SRGAP2C: variants seen among roughly 807,000 people sequenced by gnomAD.
SRGAP2C encodes the protein SLIT-ROBO Rho GTPase-activating protein 2C.
Under a neutral mutation model 25.1 loss-of-function variants are expected in SRGAP2C, and 15 were observed. The observed-to-expected ratio is 0.60, with a 90% CI of 0.40 to 0.92. The LOEUF (loss-of-function observed/expected upper bound fraction) is 0.92, where lower values mean the gene tolerates loss of function less well. Ranked by LOEUF, SRGAP2C falls within the 40% of genes least tolerant of loss-of-function variation. SRGAP2C has a pLI of 0.00. For missense variants in SRGAP2C, 144 were observed against 264.4 expected, an observed-to-expected ratio of 0.54 and a Z score of 3.16; for synonymous variants, 44 against 96.6, an observed-to-expected ratio of 0.46 and a Z score of 3.19.
chr1:121,350,564 AAAC>A (rs1658874756), intron 4 of SRGAP2C, among the ~76,000 whole-genome samples: 2 of 152,106 alleles, frequency 1.3e-5, no homozygotes, highest in Non-Finnish European at 2.9e-5. Context: ...TAAATTATAA[AAAC>A]AAACCTGGAA....
At chr1:121,314,471 A>G (rs1658048012) in intron 3 of SRGAP2C, among the ~76,000 whole-genome samples, 1 of 152,208 alleles carries the variant, frequency 6.6e-6, no homozygotes, top group African/African-American at 2.4e-5. Flanking sequence ...ACTGGTGAGA[A>G]ACTGCGTTCC....
chr1:121,336,438 C>G (rs1467567328), intron 4 of SRGAP2C, among the ~76,000 whole-genome samples: 1 of 122,088 alleles, frequency 8.2e-6, no homozygotes, highest in Non-Finnish European at 1.7e-5. Flanking sequence ...TCCTCTGTCT[C>G]TCTCCCTCCC....
At chr1:121,270,947 C>T (rs1461166042) in intron 2 of SRGAP2C, among the ~76,000 whole-genome samples, 1 of 151,130 alleles carries the variant, frequency 6.6e-6, no homozygotes, top group Non-Finnish European at 1.5e-5. Context: ...CGCCCGCCAC[C>T]ACGCCCAGCT....
At chr1:121,384,780 G>A (rs1659920253) in intron 8 of SRGAP2C, among the ~76,000 whole-genome samples, 2 of 151,738 alleles carry the variant, frequency 1.3e-5, no homozygotes, top group Non-Finnish European at 2.9e-5. Flanking sequence ...GAGTGCAGCT[G>A]AAGTGTATTA....
chr1:121,213,117 C>A (rs1190812521), intron 2 of SRGAP2C, among the ~76,000 whole-genome samples: 1 of 150,522 alleles, frequency 6.6e-6, no homozygotes, highest in African/African-American at 2.5e-5. Context: ...ATGATCTCAG[C>A]TCACTGCAAC....
At chr1:121,308,328 T>A (rs1171800109) in intron 3 of SRGAP2C, among the ~76,000 whole-genome samples, 2 of 150,082 alleles carry the variant, frequency 1.3e-5, no homozygotes, top group African/African-American at 4.9e-5. Context: ...GAAAGTCCCT[T>A]CTAGCTCTGA....
At chr1:121,295,651 G>T (rs1404691727) in intron 3 of SRGAP2C, among the ~76,000 whole-genome samples, 1 of 152,056 alleles carries the variant, frequency 6.6e-6, no homozygotes, top group Non-Finnish European at 1.5e-5. Context: ...ATAAAAGAAA[G>T]AGGTCTGTAA....
chr1:121,227,304 T>C (rs1655700426), intron 2 of SRGAP2C, among the ~76,000 whole-genome samples: 1 of 152,198 alleles, frequency 6.6e-6, no homozygotes, highest in Non-Finnish European at 1.5e-5. Flanking sequence ...ATTGGAGTTA[T>C]CTGGTTTCTG....
intron 2 of SRGAP2C, among the ~76,000 whole-genome samples, chr1:121,239,718 G>T (rs1286473333): frequency 6.6e-6 from 1 of 151,728 alleles, no homozygotes; most frequent in Non-Finnish European, 1.5e-5. Flanking sequence ...TACAGCCCAT[G>T]GGTCAAATCT....
At chr1:121,324,424 G>A (rs1163852212) in intron 3 of SRGAP2C, 54 bp from the exon 4 acceptor site, 40 of 1,551,488 alleles carry the variant, frequency 2.6e-5, no homozygotes, top group Non-Finnish European at 3.5e-5. Context: ...AGTTGTAGAT[G>A]TTGCCCTGGC....
chr1:121,282,636 A>G (rs1486701298), intron 2 of SRGAP2C, among the ~76,000 whole-genome samples: 1 of 150,174 alleles, frequency 6.7e-6, no homozygotes, highest in Non-Finnish European at 1.5e-5. Flanking sequence ...CTCAGTGCAA[A>G]CTCCGCCTCC....
intron 2 of SRGAP2C, among the ~76,000 whole-genome samples, chr1:121,264,601 C>T (rs1429100481): frequency 6.7e-6 from 1 of 148,286 alleles, no homozygotes; most frequent in Non-Finnish European, 1.5e-5. Flanking sequence ...GCCTCTGGGC[C>T]TTTGAACATG....
chr1:121,225,625 T>A (rs1655646997), intron 2 of SRGAP2C, among the ~76,000 whole-genome samples: 1 of 138,044 alleles, frequency 7.2e-6, no homozygotes, highest in African/African-American at 2.8e-5. Flanking sequence ...TATTTTGAAC[T>A]TTCTTGACTT....
chr1:121,343,970 TTGAC>T (rs1399272545), intron 4 of SRGAP2C, among the ~76,000 whole-genome samples: 3 of 143,308 alleles, frequency 2.1e-5, no homozygotes, highest in Admixed American at 1.4e-4. Flanking sequence ...CAGCCTAACT[TTGAC>T]TGTGAATGCC....
Position 121,350,657 on chromosome 1 carries a change from T to C in SRGAP2C, c.424-14636T>C, listed in dbSNP as rs587763028. ...ACTATAAAACTCTTAGAAGAAAATA[T>C]AGGTGTAAGTCTTCATGATCTTGGA... On this transcript the variant is annotated intron_variant, in intron 4 of 9. Coordinates refer to ENST00000367123, the MANE Select transcript of SRGAP2C (RefSeq NM_001329984.2). Among the ~76,000 whole-genome samples, 34 of 152,182 alleles carry C rather than the reference T, an allele frequency of 2.2e-4. No homozygotes were observed. The South Asian group carries it at 6.8e-3, about 31-fold the overall frequency.
At chr1:121,285,419 C>T (rs1657340229) in intron 3 of SRGAP2C, among the ~76,000 whole-genome samples, 1 of 148,558 alleles carries the variant, frequency 6.7e-6, no homozygotes, top group African/African-American at 2.5e-5. Flanking sequence ...CACACACACA[C>T]ACACACTCAC....
At chr1:121,379,139 C>T (rs1199731875) in intron 7 of SRGAP2C, among the ~76,000 whole-genome samples, 6 of 152,160 alleles carry the variant, frequency 3.9e-5, no homozygotes, top group South Asian at 2.1e-4. Flanking sequence ...GCACCCAAGT[C>T]GGACATGAGG....
At chr1:121,239,909 G>A (rs1656083211) in intron 2 of SRGAP2C, among the ~76,000 whole-genome samples, 2 of 152,036 alleles carry the variant, frequency 1.3e-5, no homozygotes, top group South Asian at 4.2e-4. Context: ...GAGACACTCT[G>A]GCTACTGTTG....
At position 121,284,932 on chromosome 1, in the gene SRGAP2C, A is replaced by G. The variant is rs1171781843; in HGVS notation, c.197A>G (p.Asn66Ser). 1.9e-6 allele frequency: 3 copies of G among 1,547,148 alleles called. No individual in the cohort carries two copies. ...GAGATTGAGATGGACTACTCCCGCA[A>G]CCTGGAGAAGCTGGCAGAACACTTC... Reference protein sequence around the residue: ...KAEIEMDYSRNLEKLAEHFLA... With the variant: ...KAEIEMDYSRSLEKLAEHFLA... The change falls in exon 3 of 10, where the codon AAC becomes AGC. Residue 66 changes from asparagine to serine, a missense_variant. Around this residue, in one of 5 missense-constraint regions of SRGAP2C, gnomAD observed 61 missense variants for 61.7 expected, o/e 0.99. Coordinates refer to ENST00000367123, the MANE Select transcript of SRGAP2C (RefSeq NM_001329984.2).
Sources: gnomAD v4.1 joint callset for allele counts (sites outside exome capture counted in the v4.1 genomes callset) on GRCh38, gnomAD v4.1.1 for gene constraint, gnomAD v4.1.1 regional missense constraint, MANE v1.5 for transcripts, NCBI Gene and HGNC (gene_info 2026-07-23, HGNC 2026-07-21) for gene names.